SYT16: variants seen among roughly 807,000 people sequenced by gnomAD.
SYT16 encodes synaptotagmin-16.
SYT16 carries 42 observed loss-of-function variants against 61.4 expected under a neutral mutation model. The ratio of observed to expected loss-of-function variants is 0.68; its 90% CI spans 0.53 to 0.89. The LOEUF is 0.89. SYT16 is among the 40% of genes least tolerant of loss of function. The pLI is 0.00. For synonymous variants in SYT16, 314 were observed against 302.3 expected (o/e 1.04, Z -0.40); for missense variants, 804 against 807.3 (o/e 1.00, Z 0.05).
At chr14:62,095,662 G>A (rs767007495) in intron 7 of SYT16, among the ~76,000 whole-genome samples, 1 of 151,742 alleles carries the variant, frequency 6.6e-6, no homozygotes, top group Non-Finnish European at 1.5e-5. Flanking sequence ...ATTCCATATT[G>A]TAAAAACAAC....
At chr14:61,902,651 G>A (rs533433895) in intron 1 of SYT16, among the ~76,000 whole-genome samples, 1 of 152,150 alleles carries the variant, frequency 6.6e-6, no homozygotes, top group African/African-American at 2.4e-5. Context: ...TTTGCTTGTT[G>A]TATCAGTCCA....
At chr14:62,094,978 T>G in intron 7 of SYT16, among the ~76,000 whole-genome samples, 1 of 152,070 alleles carries the variant, frequency 6.6e-6, no homozygotes, top group East Asian at 1.9e-4. Context: ...TCTAGAGTAC[T>G]GGGGCTCTCT....
intron 1 of SYT16, among the ~76,000 whole-genome samples, chr14:61,953,836 G>C (rs186543738): frequency 3.3e-5 from 5 of 152,296 alleles, no homozygotes; most frequent in Admixed American, 3.3e-4. Flanking sequence ...GAGGCGCTGT[G>C]GTCCTTAGGG....
intron 1 of SYT16, among the ~76,000 whole-genome samples, chr14:61,831,672 C>T (rs558606154): frequency 1.5e-3 from 231 of 152,068 alleles, no homozygotes; most frequent in African/African-American, 5.3e-3. Context: ...TTTTTCCCTT[C>T]TCCACACCTT....
Position 62,100,421 on chromosome 14 carries a change from A to T in SYT16, c.1652A>T (p.Asn551Ile). The change falls in exon 8 of 8, where the codon AAT becomes ATT. Residue 551 changes from asparagine (N) to isoleucine (I), a missense_variant. By Grantham distance (149) the Asn-to-Ile change is moderately radical. Coordinates refer to ENST00000683842, the MANE Select transcript of SYT16 (RefSeq NM_001367656.1). ...PDTYGKLFLL[N>I]SVGQEMSRCK... ...ACATATGGAAAACTCTTTCTCCTCA[A>T]TTCTGTGGGTCAAGAGATGTCCCGT... is the stretch of plus-strand genomic sequence containing the variant. The T allele has an allele frequency of 6.2e-7, 1 of 1,611,500 alleles. No homozygotes were observed.
intron 2 of SYT16, among the ~76,000 whole-genome samples, chr14:61,988,353 G>A (rs552480379): frequency 1.3e-5 from 2 of 152,306 alleles, no homozygotes; most frequent in African/African-American, 4.8e-5. Context: ...TGTCATTAAA[G>A]CCATGTTAAA....
At chr14:61,986,461 T>A (rs753352610) in intron 2 of SYT16, among the ~76,000 whole-genome samples, 8 of 150,150 alleles carry the variant, frequency 5.3e-5, no homozygotes, top group South Asian at 4.2e-4. Flanking sequence ...ATATATATAT[T>A]TTTATTATAC....
chr14:62,080,658 A>C (rs1453504875), intron 5 of SYT16, among the ~76,000 whole-genome samples, 176 bp from the exon 6 acceptor site: 1 of 152,226 alleles, frequency 6.6e-6, no homozygotes, highest in Non-Finnish European at 1.5e-5. Flanking sequence ...TTTGCCGTCA[A>C]AGAATTCACA....
At chr14:61,861,551 C>T (rs75442829) in intron 1 of SYT16, among the ~76,000 whole-genome samples, 20,789 of 152,054 alleles carry the variant, frequency 0.14, 1,565 homozygotes, top group African/African-American at 0.2. Flanking sequence ...ACCACAGGCA[C>T]GTGCCACCAT....
intron 1 of SYT16, among the ~76,000 whole-genome samples, chr14:61,875,301 C>T (rs751525831): frequency 2.6e-4 from 40 of 152,246 alleles, no homozygotes; most frequent in South Asian, 1.0e-3. Flanking sequence ...GTGACTTTGA[C>T]CTTTCTATGT....
At chr14:62,092,193 CACACA>C (rs1566841940) in intron 7 of SYT16, among the ~76,000 whole-genome samples, 64 of 100,486 alleles carry the variant, frequency 6.4e-4, no homozygotes, top group African/African-American at 1.9e-3. Flanking sequence ...CACACACACA[CACACA>C]CACACACACA....
At chr14:62,032,789 G>A (rs2054358873) in intron 3 of SYT16, among the ~76,000 whole-genome samples, 1 of 151,580 alleles carries the variant, frequency 6.6e-6, no homozygotes, top group Non-Finnish European at 1.5e-5. Context: ...AGGAGTGGTT[G>A]TTTCAGGACT....
intron 3 of SYT16, among the ~76,000 whole-genome samples, chr14:62,035,104 G>T (rs1041308175): frequency 6.6e-6 from 1 of 152,140 alleles, no homozygotes; most frequent in African/African-American, 2.4e-5. Flanking sequence ...GGTAATTTTT[G>T]AGTATGAAGG....
intron 2 of SYT16, among the ~76,000 whole-genome samples, chr14:61,986,682 A>G (rs927282514): frequency 6.6e-6 from 1 of 152,188 alleles, no homozygotes; most frequent in African/African-American, 2.4e-5. Context: ...AGATACTTTC[A>G]TAGATTTGAA....
intron 7 of SYT16, among the ~76,000 whole-genome samples, chr14:62,098,597 G>A (rs1252158260): frequency 6.6e-6 from 1 of 152,186 alleles, no homozygotes; most frequent in Non-Finnish European, 1.5e-5. Flanking sequence ...TTGAAAACTT[G>A]AGACTGAAAG....
intron 1 of SYT16, among the ~76,000 whole-genome samples, chr14:61,907,581 G>A (rs2048771357): frequency 6.6e-6 from 1 of 152,186 alleles, no homozygotes; most frequent in South Asian, 2.1e-4. Context: ...GGAGGCCACA[G>A]TTGCTCACCG....
At chr14:62,022,699 G>C (rs914142109) in intron 3 of SYT16, among the ~76,000 whole-genome samples, 1 of 151,904 alleles carries the variant, frequency 6.6e-6, no homozygotes, top group Non-Finnish European at 1.5e-5. Flanking sequence ...TTTAAAAAAT[G>C]TACTTCAGTG....
intron 4 of SYT16, among the ~76,000 whole-genome samples, chr14:62,070,592 A>C (rs895961230): frequency 6.6e-6 from 1 of 152,178 alleles, no homozygotes; most frequent in Non-Finnish European, 1.5e-5. Flanking sequence ...ACCTGGAGAG[A>C]GGGTGCAAAC....
At chr14:61,888,409 T>G (rs537360322) in intron 1 of SYT16, among the ~76,000 whole-genome samples, 2 of 152,320 alleles carry the variant, frequency 1.3e-5, no homozygotes, top group South Asian at 4.1e-4. Flanking sequence ...TGAGCCACCA[T>G]GCCCAGCTTA....
Sources: allele counts gnomAD v4.1 joint callset (sites outside exome capture counted in the v4.1 genomes callset), GRCh38; gene constraint gnomAD v4.1.1; transcripts MANE v1.5; gene names NCBI Gene and HGNC (gene_info 2026-07-23, HGNC 2026-07-21).